Variants in R3HDM2 observed in about 807,000 individuals in gnomAD.
R3HDM2 encodes the protein R3H domain-containing protein 2.
Under a neutral mutation model 124.5 loss-of-function variants are expected in R3HDM2, and 38 were observed. That is an observed-to-expected ratio of 0.31 (90% CI 0.24 to 0.40). The LOEUF (loss-of-function observed/expected upper bound fraction) is 0.40, where lower values mean the gene tolerates loss of function less well. Among genes scored for constraint, R3HDM2 ranks in the 10% least tolerant of loss-of-function variants. R3HDM2 has a pLI of 1.00. For synonymous variants in R3HDM2, 391 were observed against 448.0 expected, an observed-to-expected ratio of 0.87 and a Z score of 1.61; for missense variants, 869 against 1,236.9, an observed-to-expected ratio of 0.70 and a Z score of 4.46.
At chr12:57,342,794 G>A (rs567155206) in intron 2 of R3HDM2, among the ~76,000 whole-genome samples, 1 of 152,266 alleles carries the variant, frequency 6.6e-6, no homozygotes, top group Admixed American at 6.5e-5. Flanking sequence ...AAGCTACTGG[G>A]CTGGACTTTA....
chr12:57,423,975 G>A (rs1300792888), intron 1 of R3HDM2, among the ~76,000 whole-genome samples: 3 of 150,788 alleles, frequency 2.0e-5, no homozygotes, highest in Non-Finnish European at 4.4e-5. Flanking sequence ...TTAGCCAGGT[G>A]TGGTGGCACA....
At chr12:57,383,158 A>G (rs1162646199) in intron 2 of R3HDM2, among the ~76,000 whole-genome samples, 1 of 152,000 alleles carries the variant, frequency 6.6e-6, no homozygotes, top group Non-Finnish European at 1.5e-5. Context: ...CCCAGCCAAA[A>G]AAAATTTTTT....
chr12:57,413,818 CAG>C (rs1324580545), intron 1 of R3HDM2, among the ~76,000 whole-genome samples: 4 of 150,166 alleles, frequency 2.7e-5, no homozygotes, highest in African/African-American at 9.8e-5. Flanking sequence ...TGGGAAGACA[CAG>C]AGAGTCTTAG....
Position 57,310,351 on chromosome 12 carries a change from T to C in R3HDM2, c.78A>G (p.Val26=), listed in dbSNP as rs886911962. 3.9e-5 allele frequency: 61 copies of C among 1,549,682 alleles called. No individual in the cohort carries two copies. Among genetic ancestry groups the C allele is most frequent in the Non-Finnish European group, 4.2e-5 (48 of 1,145,908 alleles). Residue 26 remains valine, a synonymous_variant, in exon 3 of 24, where the codon GTA becomes GTG. Transcript: ENST00000402412. ...TCTTAGATATAAACTTGTTTTTGTT[T>C]ACAGATTCTTCCACCAGTTTTTTTT... The part of the protein sequence containing the change: ...ESEKKLVEES[V]NKNKFISKTP...
chr12:57,423,398 T>C (rs1004225423), intron 1 of R3HDM2, among the ~76,000 whole-genome samples: 20 of 151,914 alleles, frequency 1.3e-4, no homozygotes, highest in Non-Finnish European at 2.5e-4. Context: ...CACTCCAGCC[T>C]GGGCAACAGA....
intron 12 of R3HDM2, among the ~76,000 whole-genome samples, chr12:57,285,446 A>AGTGTGTGT (rs34223001): frequency 1.4e-5 from 2 of 147,574 alleles, no homozygotes; most frequent in African/African-American, 2.5e-5. Context: ...AGAGAGAGAG[A>AGTGTGTGT]GTGTGTGTGT....
intron 1 of R3HDM2, among the ~76,000 whole-genome samples, chr12:57,429,725 A>T (rs1000506741): frequency 7.7e-6 from 1 of 130,008 alleles, no homozygotes; most frequent in Non-Finnish European, 1.6e-5. Context: ...AAAACAAAAT[A>T]CAACCTTTTG....
chr12:57,310,258 C>G lies in R3HDM2; in HGVS notation c.165+6G>C, dbSNP rs761121671. ...AGTGTGCATACAATGCATTTCCAAT[C>G]GTTACCTGTGTCTCCTGACGCAAAC... On this transcript the variant is annotated splice_donor_region_variant and intron_variant, in intron 3 of 23. Transcript: ENST00000402412. 1 of 1,518,110 alleles carries G rather than the reference C, an allele frequency of 6.6e-7. No homozygotes were observed. The highest frequency in any genetic ancestry group is 2.2e-5 in the Admixed American group (1 of 45,018). The allele number at this position is 1,518,110 out of a possible 1,614,324, so 94.0% of individuals were successfully genotyped here. A position where few individuals can be genotyped will look rare whatever the true frequency, so the allele number is the denominator to read the frequency against.
intron 1 of R3HDM2, among the ~76,000 whole-genome samples, chr12:57,415,983 T>C (rs1158402872): frequency 6.6e-6 from 1 of 152,228 alleles, no homozygotes; most frequent in Non-Finnish European, 1.5e-5. Flanking sequence ...TTGTAAAGCA[T>C]GTTGAGATAA....
In R3HDM2 at chr12:57,301,472, T is replaced by A. The variant is rs559538741; in HGVS notation, c.208-1291A>T. 5.1e-4 allele frequency among the ~76,000 whole-genome samples: 77 copies of A among 152,354 alleles called. No homozygotes were observed. In the South Asian group the frequency reaches 0.016, roughly 32 times the overall value. On this transcript the variant is annotated intron_variant, in intron 4 of 23. Transcript: ENST00000402412. ...TTAACATCATGCCTAATTCTGTCAC[T>A]TGCTACTGAATGTTAAGCTACTGCT...
chr12:57,269,233 C>G (rs1421053310), intron 16 of R3HDM2, 90 bp downstream of exon 16: 2 of 1,564,358 alleles, frequency 1.3e-6, no homozygotes, highest in Non-Finnish European at 1.7e-6. Flanking sequence ...CCCCTAGACC[C>G]ACCTTCATTT....
intron 1 of R3HDM2, among the ~76,000 whole-genome samples, chr12:57,420,727 TTAAC>T (rs1190687565): frequency 6.6e-6 from 1 of 152,012 alleles, no homozygotes; most frequent in African/African-American, 2.4e-5. Context: ...AGTCACACCT[TTAAC>T]TACCAGTGTT....
chr12:57,328,292 G>A (rs2057607767), intron 2 of R3HDM2, among the ~76,000 whole-genome samples: 1 of 151,788 alleles, frequency 6.6e-6, no homozygotes, highest in South Asian at 2.1e-4. Flanking sequence ...GAACTACTGA[G>A]CTTAAGTGAT....
chr12:57,382,080 C>A (rs1159599032), intron 2 of R3HDM2, among the ~76,000 whole-genome samples: 1 of 151,786 alleles, frequency 6.6e-6, no homozygotes, highest in African/African-American at 2.4e-5. Flanking sequence ...CTCAACCTCC[C>A]AAAGTGCTGG....
intron 2 of R3HDM2, among the ~76,000 whole-genome samples, chr12:57,368,845 C>T (rs1009744743): frequency 2.6e-5 from 4 of 151,930 alleles, no homozygotes; most frequent in Non-Finnish European, 5.9e-5. Context: ...CTATTGAACC[C>T]GAGGGTGATC....
In R3HDM2 at chr12:57,395,834, G is replaced by GAAA; in HGVS notation, c.-105-19_-105-17dup. On this transcript the variant is annotated splice_polypyrimidine_tract_variant and intron_variant, in intron 1 of 23. Coordinates refer to ENST00000402412, the MANE Select transcript of R3HDM2 (RefSeq NM_001394031.1). ...AGTCTAACCTCTGGGGGAGGAGGGGGAAAAAAAAAAACAAGTTAAAAGCAA... is the reference window on the plus strand; with the variant it reads ...AGTCTAACCTCTGGGGGAGGAGGGGGAAAAAAAAAAAAAACAAGTTAAAAGCAA... The GAAA allele has an allele frequency of 2.6e-6, 2 of 778,284 alleles. No homozygotes were observed. Among genetic ancestry groups the GAAA allele is most frequent in the Non-Finnish European group, 3.1e-6 (2 of 646,336 alleles). The allele number at this position is 778,284 out of a possible 1,614,324, so 48.2% of individuals were successfully genotyped here.
intron 2 of R3HDM2, among the ~76,000 whole-genome samples, chr12:57,319,456 G>T (rs1446779419): frequency 1.3e-5 from 2 of 152,032 alleles, no homozygotes; most frequent in Non-Finnish European, 2.9e-5. Flanking sequence ...CCTCCAGAAA[G>T]AAACCATTTC....
chr12:57,258,964 G>T lies in R3HDM2; in HGVS notation c.2227C>A (p.His743Asn). Reference protein sequence around the residue: ...PQNPSMVQWSHCKYYSMDQRG... With the variant: ...PQNPSMVQWSNCKYYSMDQRG... ...TGGTCCATGCTGTAGTATTTACAAT[G>T]ACTCCACTGGACCATGGATGGGTTC... Residue 743 changes from histidine (H) to asparagine (N), a missense_variant, in exon 20 of 24, where the codon CAT (histidine) becomes AAT (asparagine). By Grantham distance (68) the His-to-Asn change is moderately conservative (BLOSUM62 1). Coordinates refer to ENST00000402412, the MANE Select transcript of R3HDM2 (RefSeq NM_001394031.1). 6.2e-7 allele frequency: 1 copy of T among 1,612,902 alleles called. No homozygotes were observed. Among genetic ancestry groups the T allele is most frequent in the Non-Finnish European group, 8.5e-7 (1 of 1,179,930 alleles).
At chr12:57,376,104 G>A (rs1281635921) in intron 2 of R3HDM2, among the ~76,000 whole-genome samples, 2 of 152,220 alleles carry the variant, frequency 1.3e-5, no homozygotes, top group African/African-American at 4.8e-5. Flanking sequence ...TGGCACTCTT[G>A]GTCTTGGACC....
Sources: allele counts gnomAD v4.1 joint callset (sites outside exome capture counted in the v4.1 genomes callset), GRCh38; gene constraint gnomAD v4.1.1; transcripts MANE v1.5; gene names NCBI Gene and HGNC (gene_info 2026-07-23, HGNC 2026-07-21).